Variants in RNF166 observed in about 807,000 individuals in gnomAD.
RNF166 encodes ring finger protein 166.
Under a neutral mutation model 29.4 loss-of-function variants are expected in RNF166, and 19 were observed. That is an observed-to-expected ratio of 0.65 (90% CI 0.45 to 0.95). The LOEUF (loss-of-function observed/expected upper bound fraction) is 0.95, where lower values mean the gene tolerates loss of function less well. Ranked by LOEUF, RNF166 falls within the 40% of genes least tolerant of loss-of-function variation. The pLI is 0.00. For synonymous variants in RNF166, 171 were observed against 134.5 expected, an observed-to-expected ratio of 1.27 and a Z score of -1.88; for missense variants, 347 against 322.1, an observed-to-expected ratio of 1.08 and a Z score of -0.59.
rs749762531 is a variant in RNF166 at position 88,697,035 on chromosome 16, G to C, written c.*533C>G. On this transcript the variant is annotated 3_prime_UTR_variant, in exon 6 of 6. Coordinates refer to ENST00000312838, the MANE Select transcript of RNF166 (RefSeq NM_178841.4). ...AAACACAGATATTGCAATATGAAGAGTAACTGCTCTGTCTTTGCTCTATAA... is the reference window on the plus strand; with the variant it reads ...AAACACAGATATTGCAATATGAAGACTAACTGCTCTGTCTTTGCTCTATAA... 7.0e-5 allele frequency: 13 copies of C among 185,352 alleles called. No homozygotes were observed. Among genetic ancestry groups the C allele is most frequent in the Non-Finnish European group, 1.4e-4 (12 of 88,002 alleles). The allele number at this position is 185,352 out of a possible 1,614,324, so 11.5% of individuals were successfully genotyped here. A position where few individuals can be genotyped will look rare whatever the true frequency, so the allele number is the denominator to read the frequency against.
At chr16:88,704,605 T>C (rs781000719) in intron 1 of RNF166, 10 of 976,244 alleles carry the variant, frequency 1.0e-5, no homozygotes, top group Non-Finnish European at 1.2e-5. Context: ...GGGAGGCTTT[T>C]CTAAAACAAG....
At chr16:88,697,703 C>A in intron 5 of RNF166, 70 bp from the exon 6 acceptor site, 9 of 1,170,046 alleles carry the variant, frequency 7.7e-6, no homozygotes, top group Non-Finnish European at 1.1e-5. Flanking sequence ...CTGCCCATCA[C>A]CCACACAGGC....
chr16:88,697,121 CA>C lies in RNF166; in HGVS notation c.*446del. 1 of 168,308 alleles carries C rather than the reference CA, an allele frequency of 5.9e-6. No homozygotes were observed. Among genetic ancestry groups the C allele is most frequent in the South Asian group, 1.4e-4 (1 of 7,016 alleles). The allele number at this position is 168,308 out of a possible 1,614,324, so 10.4% of individuals were successfully genotyped here. A position where few individuals can be genotyped will look rare whatever the true frequency, so the allele number is the denominator to read the frequency against. ...AAGATGCCAGGGTTCCTAAGTATCA[CA>C]AAAGCCAGTACCAAATGCGCAAGGT... On this transcript the variant is annotated 3_prime_UTR_variant, in exon 6 of 6. Coordinates refer to ENST00000312838, the MANE Select transcript of RNF166 (RefSeq NM_178841.4).
chr16:88,701,585 C>T, intron 1 of RNF166, 167 bp from the exon 2 acceptor site: 1 of 648,614 alleles, frequency 1.5e-6, no homozygotes, highest in South Asian at 2.1e-5. Flanking sequence ...CCGGGGCCCA[C>T]CAGCTGGATG....
chr16:88,699,876 G>T, intron 2 of RNF166, 144 bp from the exon 3 acceptor site: 1 of 583,910 alleles, frequency 1.7e-6, no homozygotes, highest in Non-Finnish European at 3.0e-6. Flanking sequence ...GGTCCCTTCT[G>T]CTGCTAAAAC....
At position 88,698,488 on chromosome 16, in the gene RNF166, G is replaced by A; in HGVS notation, c.648+14C>T. ...GGAGGGCGTGGGGGAGGACGGTGCT[G>A]GCGGGATGCCTACCACAAAGGTGTC... On this transcript the variant is annotated intron_variant, in intron 5 of 5. Transcript: ENST00000312838. 1.3e-6 allele frequency: 2 copies of A among 1,550,746 alleles called. No individual in the cohort carries two copies. Among genetic ancestry groups the A allele is most frequent in the Non-Finnish European group, 1.7e-6 (2 of 1,144,108 alleles).
At chr16:88,701,678 A>G (rs979353303) in intron 1 of RNF166, 14 of 447,618 alleles carry the variant, frequency 3.1e-5, no homozygotes, top group African/African-American at 2.9e-4. Context: ...AGCCGTCACT[A>G]TGGCTGTCCC....
Position 88,696,541 on chromosome 16 carries a change from AAGAC to A in RNF166, c.*1023_*1026del, listed in dbSNP as rs1389760884. The A allele has an allele frequency of 4.6e-6, 2 of 433,680 alleles. No homozygotes were observed. The highest frequency in any genetic ancestry group is 7.0e-5 in the East Asian group (1 of 14,288). The allele number at this position is 433,680 out of a possible 1,614,324, so 26.9% of individuals were successfully genotyped here. On this transcript the variant is annotated 3_prime_UTR_variant, in exon 6 of 6. Coordinates refer to ENST00000312838, the MANE Select transcript of RNF166 (RefSeq NM_178841.4). ...TATTTAAACTTTTTTTTTTAAAAAA[AAGAC>A]AGCAATAATTAATGCCAAGAACAGA...
At chr16:88,700,285 C>G (rs940877233) in intron 2 of RNF166, among the ~76,000 whole-genome samples, 2 of 152,186 alleles carry the variant, frequency 1.3e-5, no homozygotes, top group African/African-American at 4.8e-5. Flanking sequence ...CACATTCCAG[C>G]AAGGTGCCGG....
chr16:88,703,676 G>C (rs929359621), intron 1 of RNF166: 26 of 985,414 alleles, frequency 2.6e-5, no homozygotes, highest in Non-Finnish European at 3.1e-5. Flanking sequence ...CTGGTGCTGA[G>C]CAGCTTCTCA....
Position 88,697,745 on chromosome 16 carries a change from A to T in RNF166, c.649-112T>A, listed in dbSNP as rs1044444119. 24 of 774,598 alleles carry T rather than the reference A, an allele frequency of 3.1e-5. No homozygotes were observed. In the Admixed American group the frequency reaches 4.1e-4, roughly 13 times the overall value. The allele number at this position is 774,598 out of a possible 1,614,324, so 48.0% of individuals were successfully genotyped here. The stretch of plus-strand genomic sequence containing the variant: ...ACCCTTCCTGCCTCCCTCCAGCAGG[A>T]CACAGGAAGGACCCAGCTCCACTGT... On this transcript the variant is annotated intron_variant, in intron 5 of 5. Coordinates refer to ENST00000312838, the MANE Select transcript of RNF166 (RefSeq NM_178841.4).
At chr16:88,706,060 G>T in intron 1 of RNF166, 111 bp downstream of exon 1, 1 of 688,398 alleles carries the variant, frequency 1.5e-6, no homozygotes, top group South Asian at 6.4e-5. Context: ...CCGGCGCCCC[G>T]AGTCCCCGCG....
intron 1 of RNF166, among the ~76,000 whole-genome samples, chr16:88,705,855 T>C (rs1910738211): frequency 6.6e-6 from 1 of 152,176 alleles, no homozygotes; most frequent in African/African-American, 2.4e-5. Context: ...TGCTGCCCTC[T>C]GAGTACCGGA....
rs1335399342 is a variant in RNF166, at chr16:88,696,959, T to TA, written c.*608dup. 5.0e-6 allele frequency: 1 copy of TA among 199,726 alleles called. No individual in the cohort carries two copies. Among genetic ancestry groups the TA allele is most frequent in the Admixed American group, 5.7e-5 (1 of 17,692 alleles). 12.4% of individuals were successfully genotyped at this position (199,726 alleles called of 1,614,324 possible). A position where few individuals can be genotyped will look rare whatever the true frequency, so the allele number is the denominator to read the frequency against. ...CCAATGCTTGTTTTGATTGTTTTCTTAAAAAATATAATTTTGTAAATGTTC... is the reference window on the plus strand; with the variant it reads ...CCAATGCTTGTTTTGATTGTTTTCTTAAAAAAATATAATTTTGTAAATGTTC... On this transcript the variant is annotated 3_prime_UTR_variant, in exon 6 of 6. Coordinates refer to ENST00000312838, the MANE Select transcript of RNF166 (RefSeq NM_178841.4).
chr16:88,697,515 C>T lies in RNF166; in HGVS notation c.*53G>A, dbSNP rs961267715. ...TCCCGAGCAGGTGCCAGGTGCGACA[C>T]AGGAGCGGGGACATCCCTGACCCCA... is the stretch of plus-strand genomic sequence containing the variant. On this transcript the variant is annotated 3_prime_UTR_variant, in exon 6 of 6. Transcript: ENST00000312838. 3 of 1,366,356 alleles carry T rather than the reference C, an allele frequency of 2.2e-6. No homozygotes were observed. Among genetic ancestry groups the T allele is most frequent in the Admixed American group, 4.1e-5 (2 of 48,588 alleles). 84.6% of individuals were successfully genotyped at this position (1,366,356 alleles called of 1,614,324 possible).
intron 5 of RNF166, chr16:88,697,837 C>A (rs904699373): frequency 9.1e-5 from 51 of 558,216 alleles, no homozygotes; most frequent in Admixed American, 2.2e-4. Context: ...CCATCACCCG[C>A]TGGGTACGGG....
intron 2 of RNF166, chr16:88,700,025 A>C: frequency 4.3e-6 from 1 of 232,376 alleles, no homozygotes; most frequent in Non-Finnish European, 8.5e-6. Flanking sequence ...AGGAGTTCAA[A>C]TACTTGCTCC....
chr16:88,697,661 G>A (rs1029547743), intron 5 of RNF166, 28 bp from the exon 6 acceptor site: 4 of 1,521,956 alleles, frequency 2.6e-6, no homozygotes, highest in Non-Finnish European at 3.6e-6. Flanking sequence ...AGATGCACCG[G>A]GCTCGAGGGA....
rs1227975309 is a variant in RNF166 at position 88,701,472 on chromosome 16, C to T, written c.156-54G>A. 1.5e-5 allele frequency: 23 copies of T among 1,487,076 alleles called. No homozygotes were observed. In the East Asian group the frequency reaches 2.1e-4, roughly 14 times the overall value. 92.1% of individuals were successfully genotyped at this position (1,487,076 alleles called of 1,614,324 possible). On this transcript the variant is annotated intron_variant, in intron 1 of 5. Coordinates refer to ENST00000312838, the MANE Select transcript of RNF166 (RefSeq NM_178841.4). The stretch of plus-strand genomic sequence containing the variant: ...CCCGCCCCTCGGGTCTCCCGAACCG[C>T]AGGCCTTGCTCGGGGCCCTTCTTAG...
Sources: gnomAD v4.1 joint callset for allele counts (sites outside exome capture counted in the v4.1 genomes callset) on GRCh38, gnomAD v4.1.1 for gene constraint, MANE v1.5 for transcripts, NCBI Gene and HGNC (gene_info 2026-07-23, HGNC 2026-07-21) for gene names.